WIF1: variants seen among roughly 807,000 people sequenced by gnomAD.
WIF1 encodes the protein Wnt inhibitory factor 1.
Under a neutral mutation model 53.5 loss-of-function variants are expected in WIF1, and 35 were observed. The ratio of observed to expected loss-of-function variants is 0.65; its 90% confidence interval spans 0.50 to 0.87. The LOEUF is 0.87. WIF1 is among the 40% of genes least tolerant of loss of function. The probability of loss-of-function intolerance (pLI) is 0.00; values close to 1 mark genes in which losing one functional copy is unlikely to be tolerated. For synonymous variants in WIF1, 171 were observed against 170.4 expected (o/e 1.00, Z -0.03); for missense variants, 467 against 476.8 (o/e 0.98, Z 0.19).
In WIF1 at chr12:65,051,250, A is replaced by G; in HGVS notation, c.*99T>C. The G allele has an allele frequency of 1.4e-6, 2 of 1,433,492 alleles. No individual in the cohort carries two copies. Among genetic ancestry groups the G allele is most frequent in the East Asian group, 2.5e-5 (1 of 40,750 alleles). 88.8% of individuals were successfully genotyped at this position (1,433,492 alleles called of 1,614,324 possible). A position where few individuals can be genotyped will look rare whatever the true frequency, so the allele number is the denominator to read the frequency against. On this transcript the variant is annotated 3_prime_UTR_variant, in exon 10 of 10. Coordinates refer to ENST00000286574, the MANE Select transcript of WIF1 (RefSeq NM_007191.5). The stretch of plus-strand genomic sequence containing the variant: ...TGAAGCTAATAAAATTCAGGCCAGT[A>G]TTCTTAAGTGTAATGAACATTATTT...
At chr12:65,070,348 G>T (rs1882754522) in intron 3 of WIF1, among the ~76,000 whole-genome samples, 1 of 152,086 alleles carries the variant, frequency 6.6e-6, no homozygotes, top group Non-Finnish European at 1.5e-5. Flanking sequence ...AAACAAAATT[G>T]TGTCTAAAGT....
At chr12:65,052,701 G>C (rs1292318000) in intron 9 of WIF1, among the ~76,000 whole-genome samples, 2 of 152,144 alleles carry the variant, frequency 1.3e-5, no homozygotes, top group East Asian at 3.9e-4. Context: ...CAAGCACCAG[G>C]TCATCTTCTT....
chr12:65,063,465 T>C (rs1882643516), intron 6 of WIF1, among the ~76,000 whole-genome samples: 1 of 152,136 alleles, frequency 6.6e-6, no homozygotes, highest in Non-Finnish European at 1.5e-5. Context: ...TTGTCCCATA[T>C]AAAATTGGCC....
At chr12:65,072,951 G>A (rs796204956) in intron 3 of WIF1, among the ~76,000 whole-genome samples, 17 of 152,288 alleles carry the variant, frequency 1.1e-4, no homozygotes, top group African/African-American at 3.6e-4. Flanking sequence ...ATAACTCACA[G>A]CATTGAAGTA....
chr12:65,067,770 G>A lies in WIF1; in HGVS notation c.559C>T (p.Arg187Ter), dbSNP rs754091124. The A allele has an allele frequency of 3.7e-6, 6 of 1,613,126 alleles. No individual in the cohort carries two copies. The highest frequency in any genetic ancestry group is 2.2e-5 in the East Asian group (1 of 44,858). Residue 187 changes from arginine (R) to a stop codon, truncating the protein, a stop_gained, in exon 5 of 10, where the codon CGA becomes TGA. Coordinates refer to ENST00000286574, the MANE Select transcript of WIF1 (RefSeq NM_007191.5). LOFTEE classifies it high-confidence loss of function. ...CTTTCATTACAAAAGCCTCCATTTC[G>A]GCACCCGCCTGGGCACTCAGCTTCA... ...CQQAECPGGCRNGGFCNERRI... is the reference protein window; with the variant it reads ...CQQAECPGGC
chr12:65,068,971 T>C, intron 3 of WIF1, 67 bp from the exon 4 acceptor site: 10 of 1,558,642 alleles, frequency 6.4e-6, no homozygotes, highest in Non-Finnish European at 8.7e-6. Flanking sequence ...TACAGAAATC[T>C]TGGGAACCAA....
intron 2 of WIF1, among the ~76,000 whole-genome samples, chr12:65,081,122 A>ATT (rs140008206): frequency 6.6e-6 from 1 of 151,628 alleles, no homozygotes; most frequent in Non-Finnish European, 1.5e-5. Flanking sequence ...GCATTTATGT[A>ATT]TTTTTTTTAA....
In WIF1 at chr12:65,056,127, C is replaced by T. The variant is rs1167987217; in HGVS notation, c.827-1G>A. 5 of 1,612,784 alleles carry T rather than the reference C, an allele frequency of 3.1e-6. No homozygotes were observed. In the African/African-American group the frequency reaches 5.3e-5, roughly 17 times the overall value. On this transcript the variant is annotated splice_acceptor_variant, in intron 7 of 9. Coordinates refer to ENST00000286574, the MANE Select transcript of WIF1 (RefSeq NM_007191.5). LOFTEE classifies it high-confidence loss of function. ...TTTCGACAGGGTTGTGGGCATTTGC[C>T]TGAAAAAGAGAAGAATGCAGCTAAA...
At chr12:65,115,292 T>C (rs1484468348) in intron 2 of WIF1, among the ~76,000 whole-genome samples, 1 of 151,840 alleles carries the variant, frequency 6.6e-6, no homozygotes, top group African/African-American at 2.4e-5. Context: ...GTTATCAAGA[T>C]CAAATCTATG....
At chr12:65,110,754 A>G (rs1883418483) in intron 2 of WIF1, among the ~76,000 whole-genome samples, 1 of 152,238 alleles carries the variant, frequency 6.6e-6, no homozygotes, top group Non-Finnish European at 1.5e-5. Flanking sequence ...TATATGGTGA[A>G]CAGGACCAAG....
intron 2 of WIF1, among the ~76,000 whole-genome samples, chr12:65,091,672 TTTACCCCAGGAA>T (rs1275707555): frequency 6.6e-6 from 1 of 152,160 alleles, no homozygotes. Context: ...GGTCTTGCCT[TTTACCCCAGGAA>T]TCCATTTCAA....
chr12:65,077,789 G>A lies in WIF1; in HGVS notation c.354C>T (p.Thr118=), dbSNP rs544348613. ...SLDKGIMADP[T]VNVPLLGTVP... is the part of the protein sequence containing the mutation. ...CTGTTCCCAGCAGAGGGACATTGAC[G>A]GTTGGATCTGCCATGATGCCTTTAT... Residue 118 remains threonine, a synonymous_variant, in exon 3 of 10, where the codon ACC becomes ACT. Transcript: ENST00000286574. 29 of 1,613,844 alleles carry A rather than the reference G, an allele frequency of 1.8e-5. No individual in the cohort carries two copies. The highest frequency in any genetic ancestry group is 2.2e-5 in the Non-Finnish European group (26 of 1,179,830).
chr12:65,120,773 T>TG, intron 1 of WIF1: 1 of 782,080 alleles, frequency 1.3e-6, no homozygotes, highest in Non-Finnish European at 1.9e-6. Context: ...GGGATGGACA[T>TG]GGAGTTAACC....
chr12:65,109,872 C>A (rs1883404287), intron 2 of WIF1, among the ~76,000 whole-genome samples: 1 of 152,028 alleles, frequency 6.6e-6, no homozygotes, highest in Admixed American at 6.6e-5. Flanking sequence ...AGAAGAGTGC[C>A]CGGCTCAGAG....
chr12:65,110,663 T>A (rs1005557989), intron 2 of WIF1, among the ~76,000 whole-genome samples: 1 of 114,376 alleles, frequency 8.7e-6, no homozygotes, highest in Admixed American at 9.0e-5. Flanking sequence ...GGAATCATAA[T>A]GAGACCTACC....
intron 7 of WIF1, among the ~76,000 whole-genome samples, chr12:65,061,655 CACATTTCAACCCTT>C (rs1882614086): frequency 6.6e-6 from 1 of 152,190 alleles, no homozygotes; most frequent in African/African-American, 2.4e-5. Context: ...GATAAGCTAC[CACATTTCAACCCTT>C]ACTTTTTTAA....
At position 65,071,945 on chromosome 12, in the gene WIF1, C is replaced by T. The variant is rs117063406; in HGVS notation, c.398-3041G>A. ...AAAGATGTGATAAACCATACCATTA[C>T]ACTTTCCCACTCTTCAATTTTAAAA... On this transcript the variant is annotated intron_variant, in intron 3 of 9. Coordinates refer to ENST00000286574, the MANE Select transcript of WIF1 (RefSeq NM_007191.5). Among the ~76,000 whole-genome samples, 972 of 152,220 alleles carry T rather than the reference C, an allele frequency of 6.4e-3. 7 individuals carry two copies. The highest frequency in any genetic ancestry group is 0.01 in the Middle Eastern group (3 of 294).
intron 2 of WIF1, among the ~76,000 whole-genome samples, chr12:65,101,790 G>A (rs1883285878): frequency 6.6e-6 from 1 of 152,180 alleles, no homozygotes; most frequent in African/African-American, 2.4e-5. Context: ...TGTGGGAGCT[G>A]GGCTGGGAGA....
At chr12:65,120,986 T>C in intron 1 of WIF1, 58 bp downstream of exon 1, 1 of 1,378,964 alleles carries the variant, frequency 7.3e-7, no homozygotes, top group East Asian at 2.8e-5. Flanking sequence ...CCCTCTTTCT[T>C]GAAGAGTGGA....
Sources: allele counts gnomAD v4.1 joint callset (sites outside exome capture counted in the v4.1 genomes callset), GRCh38; gene constraint gnomAD v4.1.1; transcripts MANE v1.5; gene names NCBI Gene and HGNC (gene_info 2026-07-23, HGNC 2026-07-21).